The following RHPN2 variants were observed in gnomAD, a reference collection of about 807,000 sequenced individuals.
The protein encoded by RHPN2 is rhophilin Rho GTPase binding protein 2.
A neutral mutation model predicts 79.0 loss-of-function variants in RHPN2; 40 were observed. That is an observed-to-expected ratio of 0.51 (90% CI 0.39 to 0.66). The LOEUF (loss-of-function observed/expected upper bound fraction) is 0.66, where lower values mean the gene tolerates loss of function less well. Ranked by LOEUF, RHPN2 falls within the 30% of genes least tolerant of loss-of-function variation. RHPN2 has a pLI of 0.00. For synonymous variants in RHPN2, 285 were observed against 363.5 expected (o/e 0.78, Z 2.46); for missense variants, 686 against 883.5 (o/e 0.78, Z 2.83).
chr19:33,055,047 T>C (rs973573364), intron 1 of RHPN2, among the ~76,000 whole-genome samples: 3 of 152,142 alleles, frequency 2.0e-5, no homozygotes, highest in Non-Finnish European at 4.4e-5. Flanking sequence ...TCAGCCTGGA[T>C]CCAGCCTGGC....
At chr19:33,030,812 A>G (rs1257098085) in intron 2 of RHPN2, among the ~76,000 whole-genome samples, 5 of 152,132 alleles carry the variant, frequency 3.3e-5, no homozygotes, top group African/African-American at 7.2e-5. Flanking sequence ...CAACAATTCA[A>G]TTCGATTCTG....
At chr19:33,058,382 A>T (rs904425180) in intron 1 of RHPN2, among the ~76,000 whole-genome samples, 13 of 152,256 alleles carry the variant, frequency 8.5e-5, no homozygotes, top group African/African-American at 3.1e-4. Context: ...TGAATGGAGC[A>T]TAATGTCATT....
At chr19:33,031,432 G>A (rs1423414969) in intron 2 of RHPN2, among the ~76,000 whole-genome samples, 1 of 151,496 alleles carries the variant, frequency 6.6e-6, no homozygotes, top group Non-Finnish European at 1.5e-5. Flanking sequence ...GCTAATTTTT[G>A]TATTTTTTCA....
chr19:33,054,844 G>A (rs1599836826), intron 1 of RHPN2, among the ~76,000 whole-genome samples: 1 of 152,340 alleles, frequency 6.6e-6, no homozygotes, highest in Non-Finnish European at 1.5e-5. Context: ...ATGGCCCCAG[G>A]AAACAAGGGA....
At chr19:32,995,047 T>C (rs1486452261) in intron 11 of RHPN2, among the ~76,000 whole-genome samples, 4 of 152,150 alleles carry the variant, frequency 2.6e-5, no homozygotes, top group Admixed American at 2.6e-4. Flanking sequence ...CTGGACACAG[T>C]CCTGGGATAC....
At chr19:33,014,712 G>T (rs1314799670) in intron 4 of RHPN2, among the ~76,000 whole-genome samples, 1 of 152,144 alleles carries the variant, frequency 6.6e-6, no homozygotes, top group Admixed American at 6.5e-5. Flanking sequence ...TTGAGGTCAG[G>T]TGTTCCAGAC....
chr19:33,014,650 T>A (rs1971863425), intron 4 of RHPN2, among the ~76,000 whole-genome samples: 1 of 152,066 alleles, frequency 6.6e-6, no homozygotes, highest in Non-Finnish European at 1.5e-5. Context: ...CTGGGTATGG[T>A]GGCTCACACC....
intron 5 of RHPN2, 124 bp from the exon 6 acceptor site, chr19:33,011,927 T>C: frequency 1.6e-6 from 2 of 1,254,138 alleles, no homozygotes; most frequent in East Asian, 5.0e-5. Flanking sequence ...ATGACCTCGC[T>C]ACTGGCATCG....
intron 11 of RHPN2, 45 bp downstream of exon 11, chr19:32,995,981 C>T (rs371713134): frequency 4.4e-6 from 7 of 1,602,876 alleles, no homozygotes; most frequent in African/African-American, 4.0e-5. Context: ...ACTCTTTCCG[C>T]GGCACAGGCA....
chr19:33,031,288 T>C (rs1012568136), intron 2 of RHPN2, among the ~76,000 whole-genome samples: 2 of 143,406 alleles, frequency 1.4e-5, no homozygotes, highest in Non-Finnish European at 1.5e-5. Context: ...TGGGAGAGGG[T>C]CTTGTTTTGT....
chr19:32,986,848 C>A (rs1163685254), intron 14 of RHPN2, among the ~76,000 whole-genome samples: 3 of 151,250 alleles, frequency 2.0e-5, no homozygotes, highest in Non-Finnish European at 4.4e-5. Flanking sequence ...ATAAAATTCA[C>A]CATTTTAATA....
chr19:33,056,054 G>C (rs1019543871), intron 1 of RHPN2, among the ~76,000 whole-genome samples: 9 of 151,576 alleles, frequency 5.9e-5, no homozygotes, highest in Non-Finnish European at 1.3e-4. Context: ...CAATGGCCCT[G>C]GGGAAAGGCT....
chr19:33,064,827 GC>G lies in RHPN2; in HGVS notation c.25del (p.Ala9ProfsTer35). MTDALLPA[A>X]PQPLEKENDG... is the part of the protein sequence containing the mutation. ...GTTCTCCTTCTCCAGCGGCTGGGGG[GC>G]CGCGGGCAACAGCGCGTCGGTCATG... On this transcript the variant is annotated frameshift_variant, in exon 1 of 15. Transcript: ENST00000254260. LOFTEE classifies it high-confidence loss of function. 1 of 1,520,308 alleles carries G rather than the reference GC, an allele frequency of 6.6e-7. No individual in the cohort carries two copies. Among genetic ancestry groups the G allele is most frequent in the Non-Finnish European group, 8.8e-7 (1 of 1,140,702 alleles). The allele number at this position is 1,520,308 out of a possible 1,614,324, so 94.2% of individuals were successfully genotyped here. A position where few individuals can be genotyped will look rare whatever the true frequency, so the allele number is the denominator to read the frequency against.
chr19:33,047,709 A>G (rs1340495113), intron 1 of RHPN2, among the ~76,000 whole-genome samples: 2 of 151,718 alleles, frequency 1.3e-5, no homozygotes, highest in Non-Finnish European at 2.9e-5. Context: ...TATAGCGGAA[A>G]CCTCCTCAGG....
At chr19:33,030,459 G>T (rs2145252868) in intron 2 of RHPN2, among the ~76,000 whole-genome samples, 1 of 152,170 alleles carries the variant, frequency 6.6e-6, no homozygotes, top group East Asian at 1.9e-4. Flanking sequence ...CAGGCATAGT[G>T]GCACACGCCT....
At chr19:33,046,918 T>C (rs1972147410) in intron 1 of RHPN2, among the ~76,000 whole-genome samples, 1 of 152,040 alleles carries the variant, frequency 6.6e-6, no homozygotes, top group South Asian at 2.1e-4. Flanking sequence ...GCTGCAGTGG[T>C]ATGATCTTGG....
rs560786350 is a variant in RHPN2 at position 33,059,272 on chromosome 19, A to G, written c.69+5512T>C. Among the ~76,000 whole-genome samples the G allele has an allele frequency of 5.4e-3, 786 of 144,924 alleles. 4 individuals are homozygous for G. Among genetic ancestry groups the G allele is most frequent in the Non-Finnish European group, 9.0e-3 (598 of 66,390 alleles). ...TGAATCTCCAGCCATTCCCCACCCAACTTCTTCACTTTTGTTTTTTTCTTT... is the reference window on the plus strand; with the variant it reads ...TGAATCTCCAGCCATTCCCCACCCAGCTTCTTCACTTTTGTTTTTTTCTTT... On this transcript the variant is annotated intron_variant, in intron 1 of 14. Transcript: ENST00000254260.
rs56178801 is a variant in RHPN2 at position 32,992,813 on chromosome 19, T to TAAA, written c.1498-847_1498-845dup. On this transcript the variant is annotated intron_variant, in intron 12 of 14. Coordinates refer to ENST00000254260, the MANE Select transcript of RHPN2 (RefSeq NM_033103.5). ...GTGAAAACAGAGTTAGACCCTGTCT[T>TAAA]AAAAAAAAAAAAAAAAAAGGAAAAA... Among the ~76,000 whole-genome samples, 440 of 119,734 alleles carry TAAA rather than the reference T, an allele frequency of 3.7e-3. 3 individuals carry two copies. The highest frequency in any genetic ancestry group is 5.9e-3 in the Non-Finnish European group (344 of 58,008). The allele number at this position is 119,734 out of a possible 152,430, so 78.6% of individuals were successfully genotyped here.
chr19:33,034,807 T>G (rs9749364), intron 2 of RHPN2, among the ~76,000 whole-genome samples: 20,098 of 142,612 alleles, frequency 0.14, 1,741 homozygotes, highest in South Asian at 0.33. Context: ...AAAAAAAAGA[T>G]TTACAAGAAA....
Sources: gnomAD v4.1 joint callset for allele counts (sites outside exome capture counted in the v4.1 genomes callset) on GRCh38, gnomAD v4.1.1 for gene constraint, MANE v1.5 for transcripts, NCBI Gene and HGNC (gene_info 2026-07-23, HGNC 2026-07-21) for gene names.